The following CDK14 variants were observed in gnomAD, a reference collection of about 807,000 sequenced individuals.
CDK14 encodes the protein cyclin dependent kinase 14.
A neutral mutation model predicts 60.7 loss-of-function variants in CDK14; 34 were observed. The ratio of observed to expected loss-of-function variants is 0.56; its 90% CI spans 0.43 to 0.75. The LOEUF is 0.75. Ranked by LOEUF, CDK14 falls within the 30% of genes least tolerant of loss-of-function variation. CDK14 has a pLI of 0.00. For missense variants in CDK14, 482 were observed against 564.1 expected (o/e 0.85, Z 1.47); for synonymous variants, 197 against 203.7 (o/e 0.97, Z 0.28).
intron 12 of CDK14, among the ~76,000 whole-genome samples, chr7:91,092,666 G>C (rs753808655): frequency 2.0e-5 from 3 of 152,308 alleles, no homozygotes; most frequent in Non-Finnish European, 4.4e-5. Flanking sequence ...TAGGCTGTTT[G>C]ATAATAGCAT....
intron 2 of CDK14, among the ~76,000 whole-genome samples, chr7:90,702,594 T>TAA: frequency 6.6e-6 from 1 of 152,210 alleles, no homozygotes; most frequent in South Asian, 2.1e-4. Flanking sequence ...ATACACATTT[T>TAA]AATTTCAGTT....
chr7:90,601,249 C>T (rs1339753230), intron 1 of CDK14, among the ~76,000 whole-genome samples: 1 of 152,222 alleles, frequency 6.6e-6, no homozygotes, highest in Non-Finnish European at 1.5e-5. Context: ...TTTACATTTA[C>T]ATGAATGATT....
chr7:90,678,328 T>G (rs1801241846), intron 2 of CDK14, among the ~76,000 whole-genome samples: 2 of 152,102 alleles, frequency 1.3e-5, no homozygotes, highest in Admixed American at 1.3e-4. Context: ...GGCAAAGTGT[T>G]TGGTCGCTGA....
Position 91,013,630 on chromosome 7 carries a change from G to A in CDK14, c.1041+29389G>A, listed in dbSNP as rs549159495. 7.6e-5 allele frequency among the ~76,000 whole-genome samples: 11 copies of A among 144,800 alleles called. No individual in the cohort carries two copies. In the South Asian group the frequency reaches 2.5e-3, roughly 32 times the overall value. The allele number at this position is 144,800 out of a possible 152,430, so 95.0% of individuals were successfully genotyped here. ...AGTGTTTTTAAGGAAAAATCTTTCT[G>A]TGGATCACACGGTCTCATTGCCTCT... On this transcript the variant is annotated intron_variant, in intron 10 of 14. Coordinates refer to ENST00000380050, the MANE Select transcript of CDK14 (RefSeq NM_001287135.2).
At chr7:90,982,963 A>G (rs138882062) in intron 9 of CDK14, among the ~76,000 whole-genome samples, 2,438 of 152,312 alleles carry the variant, frequency 0.016, 21 homozygotes, top group Non-Finnish European at 0.022. Flanking sequence ...CTGCATCACT[A>G]ATCATCAGAG....
At chr7:90,803,800 A>G (rs1788731494) in intron 5 of CDK14, among the ~76,000 whole-genome samples, 2 of 152,176 alleles carry the variant, frequency 1.3e-5, no homozygotes, top group Admixed American at 1.3e-4. Context: ...CATTTTACTA[A>G]TCAAGACACT....
At chr7:90,705,342 G>GA (rs996075580) in intron 2 of CDK14, among the ~76,000 whole-genome samples, 28 of 149,128 alleles carry the variant, frequency 1.9e-4, no homozygotes, top group African/African-American at 5.2e-4. Context: ...GGTAGAAAAG[G>GA]AAAAAAAAAG....
chr7:91,200,508 A>G (rs1584208068), intron 14 of CDK14, among the ~76,000 whole-genome samples: 1 of 152,202 alleles, frequency 6.6e-6, no homozygotes, highest in Non-Finnish European at 1.5e-5. Flanking sequence ...GACATTGTTC[A>G]TGTGAAACCT....
At chr7:90,749,253 G>T (rs973389841) in intron 4 of CDK14, among the ~76,000 whole-genome samples, 4 of 151,308 alleles carry the variant, frequency 2.6e-5, no homozygotes, top group Non-Finnish European at 4.4e-5. Flanking sequence ...ATCTTGAGCT[G>T]CCCCACCCCT....
At chr7:90,710,079 T>C in intron 2 of CDK14, 1 of 926,496 alleles carries the variant, frequency 1.1e-6, no homozygotes, top group Non-Finnish European at 1.3e-6. Context: ...GTCATTTTAC[T>C]CACTTCCTTC....
At chr7:91,171,024 C>G (rs934780104) in intron 14 of CDK14, among the ~76,000 whole-genome samples, 1 of 152,054 alleles carries the variant, frequency 6.6e-6, no homozygotes, top group South Asian at 2.1e-4. Context: ...GATCCACCCA[C>G]CTCAGTCTCC....
chr7:90,731,022 A>G (rs1802841230), intron 3 of CDK14, among the ~76,000 whole-genome samples: 1 of 152,008 alleles, frequency 6.6e-6, no homozygotes, highest in Admixed American at 6.6e-5. Flanking sequence ...TCTTGAGTTA[A>G]TTTTGTATAA....
At chr7:91,173,828 T>G (rs1801619621) in intron 14 of CDK14, among the ~76,000 whole-genome samples, 1 of 152,152 alleles carries the variant, frequency 6.6e-6, no homozygotes, top group South Asian at 2.1e-4. Flanking sequence ...TCTCGCTGAT[T>G]GCTAGCACAG....
chr7:90,604,876 A>C (rs1313728921), intron 2 of CDK14, among the ~76,000 whole-genome samples: 1 of 152,226 alleles, frequency 6.6e-6, no homozygotes, highest in African/African-American at 2.4e-5. Context: ...ATCACCAGAG[A>C]AATAGTGAAT....
chr7:90,598,947 G>A (rs1375588882), intron 1 of CDK14, among the ~76,000 whole-genome samples: 3 of 151,754 alleles, frequency 2.0e-5, no homozygotes, highest in Non-Finnish European at 2.9e-5. Context: ...CTCGTGATCC[G>A]CCCGCCTCGG....
intron 8 of CDK14, among the ~76,000 whole-genome samples, chr7:90,924,351 C>T (rs934424921): frequency 1.3e-5 from 2 of 152,190 alleles, no homozygotes; most frequent in Non-Finnish European, 2.9e-5. Flanking sequence ...CTTAAAGGCC[C>T]CACCTTTCAG....
chr7:91,177,061 T>G (rs1205788189), intron 14 of CDK14, among the ~76,000 whole-genome samples: 2 of 149,564 alleles, frequency 1.3e-5, no homozygotes, highest in Non-Finnish European at 3.0e-5. Context: ...AAATCCTCAA[T>G]AAAATACTGG....
intron 8 of CDK14, among the ~76,000 whole-genome samples, chr7:90,953,190 T>C (rs1794312627): frequency 4.2e-5 from 2 of 47,062 alleles, no homozygotes; most frequent in Non-Finnish European, 8.0e-5. Context: ...CAATAAATTG[T>C]TTTAATTGAC....
At chr7:90,668,828 C>T (rs183338254) in intron 2 of CDK14, among the ~76,000 whole-genome samples, 251 of 150,746 alleles carry the variant, frequency 1.7e-3, no homozygotes, top group African/African-American at 6.0e-3. Context: ...CATGCCTCAG[C>T]CTCCTGAGTA....
Sources: gnomAD v4.1 joint callset for allele counts (sites outside exome capture counted in the v4.1 genomes callset) on GRCh38, gnomAD v4.1.1 for gene constraint, MANE v1.5 for transcripts, NCBI Gene and HGNC (gene_info 2026-07-23, HGNC 2026-07-21) for gene names.